The following EGLN1 variants were observed in gnomAD, a reference collection of about 807,000 sequenced individuals.
EGLN1 encodes egl nine homolog 1.
EGLN1 carries 17 observed loss-of-function variants against 38.3 expected under a neutral mutation model. That is an observed-to-expected ratio of 0.44 (90% confidence interval 0.30 to 0.67). The LOEUF (loss-of-function observed/expected upper bound fraction) is 0.67, where lower values mean the gene tolerates loss of function less well. Ranked by LOEUF, EGLN1 falls within the 30% of genes least tolerant of loss-of-function variation. The pLI is 0.08. For synonymous variants in EGLN1, 283 were observed against 257.5 expected, an observed-to-expected ratio of 1.10 and a Z score of -0.95; for missense variants, 477 against 603.3, an observed-to-expected ratio of 0.79 and a Z score of 2.19.
At chr1:231,372,675 C>A (rs1049883935) in intron 2 of EGLN1, among the ~76,000 whole-genome samples, 12 of 152,238 alleles carry the variant, frequency 7.9e-5, no homozygotes, top group Admixed American at 5.9e-4. Context: ...TGTTGACATG[C>A]CTCAATATAT....
Position 231,421,696 on chromosome 1 carries a change from G to A in EGLN1, c.193C>T (p.Leu65Phe), listed in dbSNP as rs1656623177. Residue 65 changes from leucine to phenylalanine, a missense_variant, in exon 1 of 5, where the codon CTC (leucine) becomes TTC (phenylalanine). By Grantham distance (22) the Leu-to-Phe change is conservative. Transcript: ENST00000366641. This position sits in a 1 kb window ranked among gnomAD's most constrained non-coding sequence, Gnocchi z 5.5. ...KLVCQGSEGA[L>F]GHGVGPHQHS... ...TGGTGTGGGCCCACTCCGTGGCCGAGGGCGCCCTCGCTGCCCTGGCACACG... is the reference window on the plus strand; with the variant it reads ...TGGTGTGGGCCCACTCCGTGGCCGAAGGCGCCCTCGCTGCCCTGGCACACG... The A allele has an allele frequency of 2.6e-6, 4 of 1,513,120 alleles. No individual in the cohort carries two copies. Among genetic ancestry groups the A allele is most frequent in the South Asian group, 2.4e-5 (2 of 82,230 alleles). 93.7% of individuals were successfully genotyped at this position (1,513,120 alleles called of 1,614,324 possible). A position where few individuals can be genotyped will look rare whatever the true frequency, so the allele number is the denominator to read the frequency against.
At chr1:231,387,719 G>A (rs1035590092) in intron 1 of EGLN1, among the ~76,000 whole-genome samples, 3 of 152,136 alleles carry the variant, frequency 2.0e-5, no homozygotes, top group Non-Finnish European at 2.9e-5. Flanking sequence ...AACAGACTGA[G>A]TACAAGATTT....
intron 1 of EGLN1, among the ~76,000 whole-genome samples, chr1:231,416,711 GGAGT>G (rs1329999836): frequency 7.2e-5 from 11 of 152,142 alleles, no homozygotes; most frequent in African/African-American, 1.4e-4. Context: ...TCGAACTAAA[GGAGT>G]TAGTTTACAT....
Position 231,391,092 on chromosome 1 carries a change from T to TTTGTGTG in EGLN1, c.892-16994_892-16993insCACACAA, listed in dbSNP as rs1553353098. 5.8e-4 allele frequency among the ~76,000 whole-genome samples: 39 copies of TTTGTGTG among 67,364 alleles called. 2 individuals are homozygous for TTTGTGTG. Among genetic ancestry groups the TTTGTGTG allele is most frequent in the African/African-American group, 1.8e-3 (37 of 21,060 alleles). 44.2% of individuals were successfully genotyped at this position (67,364 alleles called of 152,430 possible). ...ACAGGGAACTCATTCTGTTTTTTTT[T>TTTGTGTG]TGTGTGTGTGTGTGTGTGTGTGTGT... On this transcript the variant is annotated intron_variant, in intron 1 of 4. Transcript: ENST00000366641.
At chr1:231,388,390 G>A (rs186672952) in intron 1 of EGLN1, among the ~76,000 whole-genome samples, 8 of 152,296 alleles carry the variant, frequency 5.3e-5, no homozygotes, top group Admixed American at 3.9e-4. Flanking sequence ...TTAATAGTTA[G>A]TTTCTCTATG....
At position 231,421,916 on chromosome 1, in the gene EGLN1, T is replaced by A. The variant is rs1234183918; in HGVS notation, c.-28A>T. On this transcript the variant is annotated 5_prime_UTR_variant, in exon 1 of 5. Coordinates refer to ENST00000366641, the MANE Select transcript of EGLN1 (RefSeq NM_022051.3). The surrounding 1 kb of genome is among the most constrained non-coding windows in gnomAD (Gnocchi z 5.5). The stretch of plus-strand genomic sequence containing the variant: ...CGGCGGCGGCGGCGGCGACGGCGAC[T>A]GCGGCGGCCGAGCAGGAGGGGTAGC... The A allele has an allele frequency of 1.4e-5, 20 of 1,379,870 alleles. No homozygotes were observed. The highest frequency in any genetic ancestry group is 1.9e-5 in the Non-Finnish European group (20 of 1,077,298). 85.5% of individuals were successfully genotyped at this position (1,379,870 alleles called of 1,614,324 possible).
At chr1:231,373,571 T>G (rs1687881392) in intron 2 of EGLN1, among the ~76,000 whole-genome samples, 1 of 152,070 alleles carries the variant, frequency 6.6e-6, no homozygotes. Context: ...TACAATTTGA[T>G]GAGTTTGGAT....
At chr1:231,410,650 A>T (rs566983931) in intron 1 of EGLN1, among the ~76,000 whole-genome samples, 52 of 152,214 alleles carry the variant, frequency 3.4e-4, no homozygotes, top group South Asian at 1.2e-3. Flanking sequence ...CTACATACAC[A>T]TCTTCTGACA....
intron 1 of EGLN1, among the ~76,000 whole-genome samples, chr1:231,404,579 A>G (rs1294850335): frequency 6.6e-6 from 1 of 152,066 alleles, no homozygotes; most frequent in South Asian, 2.1e-4. Context: ...TGAGTTCAAG[A>G]CCATCCTGGG....
intron 1 of EGLN1, among the ~76,000 whole-genome samples, chr1:231,417,950 T>C (rs930579275): frequency 3.3e-5 from 5 of 152,232 alleles, no homozygotes; most frequent in Non-Finnish European, 7.3e-5. Context: ...CCTAATATGC[T>C]GCAGAATTTC....
At chr1:231,406,171 A>AAAAAAAAAAAC (rs1489716104) in intron 1 of EGLN1, among the ~76,000 whole-genome samples, 8 of 149,752 alleles carry the variant, frequency 5.3e-5, no homozygotes, top group Non-Finnish European at 1.0e-4. Flanking sequence ...GTCTCAAAAA[A>AAAAAAAAAAAC]AAAAAAAATT....
chr1:231,394,931 G>C (rs1419029900), intron 1 of EGLN1, among the ~76,000 whole-genome samples: 2 of 152,158 alleles, frequency 1.3e-5, no homozygotes, highest in African/African-American at 4.8e-5. Flanking sequence ...GGCCAATCCT[G>C]CCTCCTATAG....
chr1:231,370,845 A>G, intron 2 of EGLN1, 147 bp from the exon 3 acceptor site: 1 of 915,970 alleles, frequency 1.1e-6, no homozygotes, highest in South Asian at 1.4e-5. Context: ...CTGCAATTTT[A>G]AAAGTATATG....
chr1:231,413,819 T>C lies in EGLN1; in HGVS notation c.891+7179A>G, dbSNP rs541888521. 6.7e-5 allele frequency among the ~76,000 whole-genome samples: 10 copies of C among 149,432 alleles called. No individual in the cohort carries two copies. In the South Asian group the frequency reaches 2.1e-3, roughly 31 times the overall value. The stretch of plus-strand genomic sequence containing the variant: ...GGGTAAAGAGTACACGTATTTTGCT[T>C]TGGTAAAGAAATGGGACCTGGAACA... On this transcript the variant is annotated intron_variant, in intron 1 of 4. Coordinates refer to ENST00000366641, the MANE Select transcript of EGLN1 (RefSeq NM_022051.3).
chr1:231,386,992 C>T (rs1202105120), intron 1 of EGLN1, among the ~76,000 whole-genome samples: 2 of 152,134 alleles, frequency 1.3e-5, no homozygotes, highest in South Asian at 4.2e-4. Flanking sequence ...TCCTGAACAG[C>T]TCTACAGGTG....
chr1:231,402,909 TA>T (rs56720811), intron 1 of EGLN1, among the ~76,000 whole-genome samples: 4,633 of 148,520 alleles, frequency 0.031, 242 homozygotes, highest in African/African-American at 0.11. Context: ...GTATCTTTAT[TA>T]AAAAAAAAAA....
chr1:231,408,604 G>A (rs375160877), intron 1 of EGLN1, among the ~76,000 whole-genome samples: 1 of 152,070 alleles, frequency 6.6e-6, no homozygotes, highest in Non-Finnish European at 1.5e-5. Flanking sequence ...TAATTAGAGC[G>A]GTGCAGTGGG....
At position 231,366,398 on chromosome 1, in the gene EGLN1, T is replaced by C. The variant is rs763591260; in HGVS notation, c.*13A>G. The stretch of plus-strand genomic sequence containing the variant: ...TATTGTAGGTGAAGTGGGGTATTGC[T>C]GGATCAAAGGCTCTAGAAGACGTCT... On this transcript the variant is annotated 3_prime_UTR_variant, in exon 5 of 5. Transcript: ENST00000366641. 7.4e-6 allele frequency: 12 copies of C among 1,613,666 alleles called. No homozygotes were observed. The East Asian group carries it at 2.5e-4, about 33-fold the overall frequency.
In EGLN1 at chr1:231,419,280, T is replaced by C. The variant is rs150094583; in HGVS notation, c.891+1718A>G. Among the ~76,000 whole-genome samples, 617 of 152,308 alleles carry C rather than the reference T, an allele frequency of 4.1e-3. 6 individuals are homozygous for C. The highest frequency in any genetic ancestry group is 0.015 in the African/African-American group (608 of 41,556). Reference sequence around the variant, plus strand: ...CTAATAGCATCTCTATGAGAAGCATTTGCTCTAAGAGCCAGGCTGTCTGCT... The same window carrying C: ...CTAATAGCATCTCTATGAGAAGCATCTGCTCTAAGAGCCAGGCTGTCTGCT... On this transcript the variant is annotated intron_variant, in intron 1 of 4. Coordinates refer to ENST00000366641, the MANE Select transcript of EGLN1 (RefSeq NM_022051.3).
Sources: allele counts gnomAD v4.1 joint callset (sites outside exome capture counted in the v4.1 genomes callset), GRCh38; gene constraint gnomAD v4.1.1; non-coding constraint Gnocchi (gnomAD v3.1); transcripts MANE v1.5; gene names NCBI Gene and HGNC (gene_info 2026-07-23, HGNC 2026-07-21).